DENND4C: variants seen among roughly 807,000 people sequenced by gnomAD.
DENND4C encodes the protein DENN domain containing 4C.
DENND4C carries 108 observed loss-of-function variants against 203.0 expected under a neutral mutation model. The observed-to-expected ratio is 0.53, with a 90% CI of 0.46 to 0.62. The LOEUF is 0.62. Ranked by LOEUF, DENND4C falls within the 20% of genes least tolerant of loss-of-function variation. The pLI is 0.00. For synonymous variants in DENND4C, 871 were observed against 792.4 expected, an observed-to-expected ratio of 1.10 and a Z score of -1.67; for missense variants, 2,481 against 2,301.2, an observed-to-expected ratio of 1.08 and a Z score of -1.60.
chr9:19,269,250 C>T (rs1831135858), intron 1 of DENND4C, among the ~76,000 whole-genome samples: 1 of 152,084 alleles, frequency 6.6e-6, no homozygotes, highest in Non-Finnish European at 1.5e-5. Context: ...GCAACCTCTG[C>T]TTCCGGGTTC....
At chr9:19,349,092 C>T (rs1399133342) in intron 23 of DENND4C, among the ~76,000 whole-genome samples, 1 of 152,192 alleles carries the variant, frequency 6.6e-6, no homozygotes, top group Non-Finnish European at 1.5e-5. Flanking sequence ...AGCCACTGCA[C>T]CCGGCCTTTG....
At chr9:19,278,527 G>A (rs1189889220) in intron 2 of DENND4C, among the ~76,000 whole-genome samples, 1 of 152,068 alleles carries the variant, frequency 6.6e-6, no homozygotes, top group Non-Finnish European at 1.5e-5. Flanking sequence ...TAGAGCTCTG[G>A]CGAAATTGTT....
At chr9:19,328,701 A>ATCTATCTG (rs1818423840) in intron 16 of DENND4C, among the ~76,000 whole-genome samples, 1 of 147,542 alleles carries the variant, frequency 6.8e-6, no homozygotes, top group Admixed American at 6.8e-5. Flanking sequence ...CTATCTGTCT[A>ATCTATCTG]TCTATCAATC....
rs60041909 is a variant in DENND4C, at chr9:19,275,519, G to A, written c.-17-639G>A. Among the ~76,000 whole-genome samples, 442 of 151,980 alleles carry A rather than the reference G, an allele frequency of 2.9e-3. 2 individuals are homozygous for A. Among genetic ancestry groups the A allele is most frequent in the African/African-American group, 0.01 (418 of 41,442 alleles). On this transcript the variant is annotated intron_variant, in intron 1 of 32. Transcript: ENST00000434457. ...GGAGTTTCTCTCTTTCACCCAGGCT[G>A]AGGTGAAGTGGAGCAATCTCCGCTC...
intron 2 of DENND4C, among the ~76,000 whole-genome samples, chr9:19,286,211 T>G (rs1306899022): frequency 6.6e-6 from 1 of 152,182 alleles, no homozygotes. Flanking sequence ...TTAATCAAAT[T>G]GAAGATTGAA....
At chr9:19,281,864 A>C (rs80082970) in intron 2 of DENND4C, among the ~76,000 whole-genome samples, 3,238 of 152,320 alleles carry the variant, frequency 0.021, 126 homozygotes, top group African/African-American at 0.073. Flanking sequence ...GGCAACTTAC[A>C]CAGTGGTGAG....
At chr9:19,259,748 G>A (rs1024353832) in intron 1 of DENND4C, among the ~76,000 whole-genome samples, 2 of 151,860 alleles carry the variant, frequency 1.3e-5, no homozygotes, top group Admixed American at 6.6e-5. Flanking sequence ...CAGGTGATCC[G>A]CCCGCCTCGG....
chr9:19,309,670 T>C (rs2131441608), intron 10 of DENND4C, among the ~76,000 whole-genome samples: 1 of 152,272 alleles, frequency 6.6e-6, no homozygotes, highest in Admixed American at 6.5e-5. Context: ...ATGTAAATTT[T>C]AATACCATCT....
chr9:19,270,856 C>G (rs1831499138), intron 1 of DENND4C, among the ~76,000 whole-genome samples: 1 of 152,144 alleles, frequency 6.6e-6, no homozygotes, highest in South Asian at 2.1e-4. Flanking sequence ...CAAAATTGCT[C>G]TAAACTAATA....
At chr9:19,331,665 T>G (rs1480786167) in intron 16 of DENND4C, among the ~76,000 whole-genome samples, 3 of 152,216 alleles carry the variant, frequency 2.0e-5, no homozygotes, top group Non-Finnish European at 4.4e-5. Flanking sequence ...AAAAATGAGT[T>G]CCTTCTTTGT....
At chr9:19,289,080 T>G (rs908983431) in intron 4 of DENND4C, among the ~76,000 whole-genome samples, 7 of 152,196 alleles carry the variant, frequency 4.6e-5, no homozygotes, top group African/African-American at 1.7e-4. Context: ...ACATGTTACT[T>G]GCCATGAAAG....
At chr9:19,267,560 C>G (rs893195485) in intron 1 of DENND4C, among the ~76,000 whole-genome samples, 1 of 151,554 alleles carries the variant, frequency 6.6e-6, no homozygotes, top group Admixed American at 6.6e-5. Context: ...TTTTAGAGAC[C>G]GGTTCTCACT....
At position 19,324,363 on chromosome 9, in the gene DENND4C, A is replaced by G; in HGVS notation, c.1809A>G (p.Gly603=). 3 of 1,583,104 alleles carry G rather than the reference A, an allele frequency of 1.9e-6. No individual in the cohort carries two copies. Residue 603 remains glycine, a splice_region_variant and synonymous_variant, in exon 13 of 33, where the codon GGA becomes GGG. Coordinates refer to ENST00000434457, the MANE Select transcript of DENND4C (RefSeq NM_001330640.2). Reference sequence around the variant, plus strand: ...TTAATTATATTTTGTTTTCCTCAGGATTTTTAAAAAGTCGAGATCGTGCCT... The same window carrying G: ...TTAATTATATTTTGTTTTCCTCAGGGTTTTTAAAAAGTCGAGATCGTGCCT... The part of the protein sequence containing the change: ...TAADSLFDRQ[G]FLKSRDRAYA...
At chr9:19,275,277 C>CT (rs71335412) in intron 1 of DENND4C, among the ~76,000 whole-genome samples, 63,624 of 129,574 alleles carry the variant, frequency 0.49, 15,970 homozygotes, top group South Asian at 0.63. Flanking sequence ...CAGGCCCGGC[C>CT]TTTTTTTTTT....
At chr9:19,312,153 G>A (rs1437726900) in intron 10 of DENND4C, among the ~76,000 whole-genome samples, 1 of 152,292 alleles carries the variant, frequency 6.6e-6, no homozygotes, top group East Asian at 1.9e-4. Context: ...GCCCAGGCTG[G>A]AGTGTAGTGG....
chr9:19,324,681 C>G (rs73435140), intron 13 of DENND4C, among the ~76,000 whole-genome samples, 174 bp downstream of exon 13: 328 of 152,242 alleles, frequency 2.2e-3, no homozygotes, highest in African/African-American at 4.9e-3. Context: ...TTTGTGGTTT[C>G]AAGTTTCTAC....
chr9:19,301,629 G>A (rs1458108259), intron 9 of DENND4C, among the ~76,000 whole-genome samples: 1 of 152,148 alleles, frequency 6.6e-6, no homozygotes, highest in Non-Finnish European at 1.5e-5. Flanking sequence ...TTAATGAACT[G>A]ACCAGTTCTA....
chr9:19,278,190 C>T (rs1833295744), intron 2 of DENND4C, among the ~76,000 whole-genome samples: 1 of 151,118 alleles, frequency 6.6e-6, no homozygotes, highest in African/African-American at 2.4e-5. Context: ...GGCTGGAGTG[C>T]AGTGGCGCAA....
chr9:19,296,722 A>C (rs907607679), intron 6 of DENND4C, among the ~76,000 whole-genome samples: 6 of 152,202 alleles, frequency 3.9e-5, no homozygotes, highest in African/African-American at 9.6e-5. Flanking sequence ...GGTTGGCCAA[A>C]TAATAATCCT....
Sources: allele counts gnomAD v4.1 joint callset (sites outside exome capture counted in the v4.1 genomes callset), GRCh38; gene constraint gnomAD v4.1.1; transcripts MANE v1.5; gene names NCBI Gene and HGNC (gene_info 2026-07-23, HGNC 2026-07-21).